ZCCHC4: variants seen among roughly 807,000 people sequenced by gnomAD.
ZCCHC4 encodes the protein zinc finger CCHC-type containing 4.
ZCCHC4 carries 54 observed loss-of-function variants against 67.7 expected under a neutral mutation model. The ratio of observed to expected loss-of-function variants is 0.80; its 90% CI spans 0.64 to 1.00. ZCCHC4 has a LOEUF of 1.00. ZCCHC4 is among the 50% of genes least tolerant of loss of function. ZCCHC4 has a pLI of 0.00. For synonymous variants in ZCCHC4, 198 were observed against 213.5 expected, an observed-to-expected ratio of 0.93 and a Z score of 0.63; for missense variants, 609 against 617.0, an observed-to-expected ratio of 0.99 and a Z score of 0.14.
rs768412415 is a variant in ZCCHC4, at chr4:25,364,941, C to G, written c.1262-81C>G. Reference sequence around the variant, plus strand: ...CACAATACTTCAAGTAAACACTGTTCGTATATCCTACCTTAAAAGTTAATA... The same window carrying G: ...CACAATACTTCAAGTAAACACTGTTGGTATATCCTACCTTAAAAGTTAATA... On this transcript the variant is annotated intron_variant, in intron 11 of 12. Coordinates refer to ENST00000302874, the MANE Select transcript of ZCCHC4 (RefSeq NM_024936.3). 5.7e-6 allele frequency: 9 copies of G among 1,571,000 alleles called. No homozygotes were observed. In the Admixed American group the frequency reaches 7.0e-5, roughly 12 times the overall value.
At chr4:25,336,003 C>G (rs1014572907) in intron 5 of ZCCHC4, among the ~76,000 whole-genome samples, 2 of 152,112 alleles carry the variant, frequency 1.3e-5, no homozygotes, top group Non-Finnish European at 2.9e-5. Flanking sequence ...TAAAGATAAA[C>G]TCGATTTATT....
Position 25,359,532 on chromosome 4 carries a change from G to A in ZCCHC4, c.1012-2327G>A, listed in dbSNP as rs1720640690. Among the ~76,000 whole-genome samples the A allele has an allele frequency of 6.6e-6, 1 of 152,206 alleles. No individual in the cohort carries two copies. Among genetic ancestry groups the A allele is most frequent in the Non-Finnish European group, 1.5e-5 (1 of 68,032 alleles). ...CTGATACCAAGGAGGCTGTTGGCGG[G>A]ATCAAGGGGTCCGTGCCACAAAGAA... On this transcript the variant is annotated intron_variant, in intron 8 of 12. Transcript: ENST00000302874. The surrounding 1 kb of genome is among the most constrained non-coding windows in gnomAD (Gnocchi z 4.9).
Position 25,346,757 on chromosome 4 carries a change from T to A in ZCCHC4, c.759+1137T>A, listed in dbSNP as rs115012038. On this transcript the variant is annotated intron_variant, in intron 6 of 12. Transcript: ENST00000302874. ...TATAATTAGATGTATTTCAGCTGTT[T>A]CCCAAAGCGTTTATGTGGTTGCTAA... is the stretch of plus-strand genomic sequence containing the variant. Among the ~76,000 whole-genome samples, 1,445 of 152,302 alleles carry A rather than the reference T, an allele frequency of 9.5e-3. 34 individuals are homozygous for A. The highest frequency in any genetic ancestry group is 0.033 in the African/African-American group (1,351 of 41,566).
chr4:25,337,319 C>T (rs1560406366), intron 5 of ZCCHC4, among the ~76,000 whole-genome samples: 2 of 152,236 alleles, frequency 1.3e-5, no homozygotes, highest in African/African-American at 2.4e-5. Context: ...AGGGCTCCCT[C>T]TTTCTCTCTC....
intron 3 of ZCCHC4, among the ~76,000 whole-genome samples, chr4:25,320,919 G>A (rs1718549810): frequency 6.6e-6 from 1 of 152,166 alleles, no homozygotes; most frequent in East Asian, 1.9e-4. Context: ...TCCTTATGGT[G>A]AGTGAATCAT....
intron 3 of ZCCHC4, 75 bp from the exon 4 acceptor site, chr4:25,333,107 TA>T: frequency 6.8e-7 from 1 of 1,477,362 alleles, no homozygotes; most frequent in Non-Finnish European, 9.1e-7. Flanking sequence ...TTTTGGATGC[TA>T]AAAATAGCAA....
chr4:25,367,770 A>G (rs1330671914), intron 12 of ZCCHC4, among the ~76,000 whole-genome samples: 1 of 152,220 alleles, frequency 6.6e-6, no homozygotes, highest in Non-Finnish European at 1.5e-5. Flanking sequence ...TTGTCAAGCA[A>G]AATTCTGCAT....
In ZCCHC4 at chr4:25,314,107, C is replaced by T; in HGVS notation, c.189C>T (p.Ala63=). The T allele has an allele frequency of 1.2e-6, 2 of 1,611,410 alleles. No homozygotes were observed. Among genetic ancestry groups the T allele is most frequent in the Non-Finnish European group, 1.7e-6 (2 of 1,179,322 alleles). ...QGKEETRRFY[A]CSACRDRKDC... ...AAGAAGAAACTCGGAGGTTTTATGC[C>T]TGTTCAGCCTGTAGAGATAGAAAAG... Residue 63 remains alanine, a synonymous_variant, in exon 2 of 13, where the codon GCC becomes GCT. Transcript: ENST00000302874.
intron 8 of ZCCHC4, among the ~76,000 whole-genome samples, chr4:25,356,224 G>A (rs912904578): frequency 2.0e-5 from 3 of 152,092 alleles, no homozygotes; most frequent in African/African-American, 7.2e-5. Context: ...CATCATCATT[G>A]TGAGTGAAAT....
At chr4:25,319,565 T>TG (rs1718469593) in intron 3 of ZCCHC4, among the ~76,000 whole-genome samples, 1 of 152,204 alleles carries the variant, frequency 6.6e-6, no homozygotes, top group Non-Finnish European at 1.5e-5. Flanking sequence ...AATGTTCCTA[T>TG]GCTTTATTAT....
chr4:25,350,148 G>T (rs1345843138), intron 7 of ZCCHC4, among the ~76,000 whole-genome samples: 1 of 151,940 alleles, frequency 6.6e-6, no homozygotes, highest in Non-Finnish European at 1.5e-5. Flanking sequence ...GCTGATTGTG[G>T]TTATCAGTGA....
intron 3 of ZCCHC4, among the ~76,000 whole-genome samples, chr4:25,325,241 CAAAAAAAAAAA>C (rs11318046): frequency 1.3e-5 from 1 of 74,756 alleles, no homozygotes; most frequent in African/African-American, 5.8e-5. Context: ...GACTCCGTCT[CAAAAAAAAAAA>C]AAAAAAAAAA....
At chr4:25,322,784 C>G (rs1351024534) in intron 3 of ZCCHC4, among the ~76,000 whole-genome samples, 1 of 152,168 alleles carries the variant, frequency 6.6e-6, no homozygotes, top group African/African-American at 2.4e-5. Flanking sequence ...TCCCGAAGTG[C>G]TGGGATTACA....
chr4:25,331,042 G>T (rs1719156992), intron 3 of ZCCHC4, among the ~76,000 whole-genome samples: 1 of 152,072 alleles, frequency 6.6e-6, no homozygotes. Context: ...CTAGCCTCCT[G>T]GAGTGCTCAG....
chr4:25,342,764 A>G (rs2109074617), intron 5 of ZCCHC4, among the ~76,000 whole-genome samples: 1 of 152,304 alleles, frequency 6.6e-6, no homozygotes, highest in East Asian at 1.9e-4. Context: ...TCATTTTAAG[A>G]GGGCAATGTT....
At chr4:25,345,782 G>A (rs1172261508) in intron 6 of ZCCHC4, among the ~76,000 whole-genome samples, 162 bp downstream of exon 6, 1 of 152,168 alleles carries the variant, frequency 6.6e-6, no homozygotes, top group Non-Finnish European at 1.5e-5. Context: ...TGAGCACCTA[G>A]AGGTGATTTT....
intron 8 of ZCCHC4, among the ~76,000 whole-genome samples, chr4:25,360,319 A>G (rs1278145178): frequency 6.6e-6 from 1 of 152,262 alleles, no homozygotes; most frequent in South Asian, 2.1e-4. Context: ...CATATGCCCT[A>G]TAGGTAGTTG....
chr4:25,358,825 T>C (rs923719789), intron 8 of ZCCHC4, among the ~76,000 whole-genome samples: 2 of 152,254 alleles, frequency 1.3e-5, no homozygotes, highest in African/African-American at 4.8e-5. Context: ...ATTACCCTGC[T>C]AACGCTGTAC....
chr4:25,316,292 A>T (rs1255416622), intron 3 of ZCCHC4, among the ~76,000 whole-genome samples: 1 of 152,230 alleles, frequency 6.6e-6, no homozygotes, highest in South Asian at 2.1e-4. Flanking sequence ...GAACATTGAT[A>T]TACAAATATT....
Sources: allele counts gnomAD v4.1 joint callset (sites outside exome capture counted in the v4.1 genomes callset), GRCh38; gene constraint gnomAD v4.1.1; non-coding constraint Gnocchi (gnomAD v3.1); transcripts MANE v1.5; gene names NCBI Gene and HGNC (gene_info 2026-07-23, HGNC 2026-07-21).